RGS6: variants seen among roughly 807,000 people sequenced by gnomAD.
RGS6 encodes regulator of G protein signaling 6.
In RGS6, 30 loss-of-function variants were observed where a neutral mutation model predicts 78.5. The ratio of observed to expected loss-of-function variants is 0.38; its 90% CI spans 0.29 to 0.52. RGS6 has a LOEUF of 0.52. Among genes scored for constraint, RGS6 ranks in the 20% least tolerant of loss-of-function variants. The pLI is 0.85. For synonymous variants in RGS6, 206 were observed against 206.0 expected, an observed-to-expected ratio of 1.00 and a Z score of 0.00; for missense variants, 495 against 609.7, an observed-to-expected ratio of 0.81 and a Z score of 1.98.
chr14:72,464,111 T>C (rs1413001544), intron 6 of RGS6, among the ~76,000 whole-genome samples: 3 of 152,236 alleles, frequency 2.0e-5, no homozygotes, highest in South Asian at 4.1e-4. Context: ...GCATCAAGAA[T>C]GTAAAGACAT....
intron 2 of RGS6, among the ~76,000 whole-genome samples, chr14:72,182,474 A>G (rs2097187252): frequency 6.6e-6 from 1 of 151,016 alleles, no homozygotes; most frequent in South Asian, 2.1e-4. Context: ...TATATTTTCT[A>G]TTAACTCCAA....
In RGS6 at chr14:72,527,383, G is replaced by A. The variant is rs571699687; in HGVS notation, c.1279-8803G>A. On this transcript the variant is annotated intron_variant, in intron 15 of 17. Transcript: ENST00000553525. The stretch of plus-strand genomic sequence containing the variant: ...AGCAGCACTTCAATGTGAGAAGAGC[G>A]TGAGCTTTGGGGTCACAGAGCTCTG... Among the ~76,000 whole-genome samples, 21 of 152,336 alleles carry A rather than the reference G, an allele frequency of 1.4e-4. No individual in the cohort carries two copies. In the East Asian group the frequency reaches 1.9e-3, roughly 14 times the overall value.
intron 2 of RGS6, among the ~76,000 whole-genome samples, chr14:72,063,222 G>C (rs1172443403): frequency 6.6e-6 from 1 of 152,214 alleles, no homozygotes; most frequent in East Asian, 1.9e-4. Context: ...AAGAGCTGAA[G>C]AGGAACCAGT....
rs1225364185 is a variant in RGS6 at position 71,942,374 on chromosome 14, TATTA to T, written c.-21+9438_-21+9441del. On this transcript the variant is annotated intron_variant, in intron 1 of 17. Transcript: ENST00000553525. The stretch of plus-strand genomic sequence containing the variant: ...ATATTTCAAAAAATGGAAGTTTCAC[TATTA>T]ATTACCCTAATTACCAAGGCAGCAG... 5.3e-5 allele frequency among the ~76,000 whole-genome samples: 8 copies of T among 152,208 alleles called. No individual in the cohort carries two copies. The East Asian group carries it at 1.3e-3, about 26-fold the overall frequency.
intron 16 of RGS6, chr14:72,537,532 A>C (rs1488116566): frequency 1.4e-6 from 1 of 702,318 alleles, no homozygotes; most frequent in Non-Finnish European, 2.6e-6. Context: ...GGCTACTGTG[A>C]TGGGCAGTGT....
intron 16 of RGS6, among the ~76,000 whole-genome samples, chr14:72,539,192 C>T (rs761071898): frequency 6.6e-6 from 1 of 152,186 alleles, no homozygotes; most frequent in Non-Finnish European, 1.5e-5. Context: ...GAGGCTAGGC[C>T]TGGAAAGACA....
At chr14:72,448,759 ATTGTTTTT>A (rs1258142356) in intron 3 of RGS6, among the ~76,000 whole-genome samples, 1 of 152,146 alleles carries the variant, frequency 6.6e-6, no homozygotes, top group Non-Finnish European at 1.5e-5. Flanking sequence ...CGGTTTTCTA[ATTGTTTTT>A]TCTTTATACT....
At position 72,317,933 on chromosome 14, in the gene RGS6, C is replaced by T. The variant is rs1397078108; in HGVS notation, c.85-34162C>T. ...CAAGGAAGCCAGTCCAAGTCCCAAA[C>T]GATTTTATTTGACAAAAGACAAAAA... is the stretch of plus-strand genomic sequence containing the variant. On this transcript the variant is annotated intron_variant, in intron 2 of 17. Transcript: ENST00000553525. Among the ~76,000 whole-genome samples the T allele has an allele frequency of 3.9e-5, 6 of 152,170 alleles. No homozygotes were observed. In the South Asian group the frequency reaches 8.3e-4, roughly 21 times the overall value.
In RGS6 at chr14:72,294,112, G is replaced by C. The variant is rs144373285; in HGVS notation, c.85-57983G>C. Among the ~76,000 whole-genome samples the C allele has an allele frequency of 1.1e-3, 160 of 152,314 alleles. No homozygotes were observed. The East Asian group carries it at 0.022, about 21-fold the overall frequency. On this transcript the variant is annotated intron_variant, in intron 2 of 17. Transcript: ENST00000553525. ...CACAAGAGGTCCTTTTTGTAATTCA[G>C]ACAGAGGTACCATTTGTTCACAGGC...
At chr14:72,383,836 T>A (rs1053014385) in intron 3 of RGS6, among the ~76,000 whole-genome samples, 1 of 152,120 alleles carries the variant, frequency 6.6e-6, no homozygotes, top group Non-Finnish European at 1.5e-5. Context: ...AACGTAATAA[T>A]AAAACTGAAC....
intron 3 of RGS6, among the ~76,000 whole-genome samples, chr14:72,447,135 A>G (rs1479882413): frequency 1.3e-5 from 2 of 152,132 alleles, no homozygotes; most frequent in Non-Finnish European, 2.9e-5. Flanking sequence ...CTGGGAAGGG[A>G]AAGGCAGTCC....
intron 2 of RGS6, among the ~76,000 whole-genome samples, chr14:72,143,095 C>G (rs903478001): frequency 6.6e-6 from 1 of 152,076 alleles, no homozygotes; most frequent in Non-Finnish European, 1.5e-5. Context: ...TGGCTGGGCT[C>G]CATGGCTCAC....
At chr14:72,478,472 G>C (rs912211267) in intron 12 of RGS6, 143 bp downstream of exon 12, 20 of 639,238 alleles carry the variant, frequency 3.1e-5, no homozygotes, top group African/African-American at 2.9e-4. Flanking sequence ...AAACCCACAG[G>C]CTCCATGTGA....
chr14:72,084,723 A>G (rs1301631649), intron 2 of RGS6, among the ~76,000 whole-genome samples: 3 of 150,778 alleles, frequency 2.0e-5, no homozygotes, highest in African/African-American at 7.3e-5. Context: ...TGTCTGGTCA[A>G]AGCTCATTCA....
chr14:71,873,261 G>C, the RGS6 span, among the ~76,000 whole-genome samples: 43 of 152,310 alleles, frequency 2.8e-4, no homozygotes, highest in Middle Eastern at 6.8e-3. Context: ...CCCACAAACA[G>C]TGTAAAAGCA....
intron 3 of RGS6, among the ~76,000 whole-genome samples, chr14:72,431,838 C>G (rs1379853027): frequency 1.3e-5 from 2 of 152,096 alleles, no homozygotes; most frequent in Admixed American, 6.5e-5. Flanking sequence ...CGCCTTTTCT[C>G]CTCTTATTCC....
At position 72,270,372 on chromosome 14, in the gene RGS6, A is replaced by G. The variant is rs545523383; in HGVS notation, c.85-81723A>G. On this transcript the variant is annotated intron_variant, in intron 2 of 17. Transcript: ENST00000553525. ...AAGAGAAAGAAAGAGGAAATAAAAC[A>G]GCATAATCCCAGGAACTGCCAATAG... 1.7e-4 allele frequency among the ~76,000 whole-genome samples: 26 copies of G among 152,356 alleles called. No homozygotes were observed. In the South Asian group the frequency reaches 5.2e-3, roughly 30 times the overall value.
chr14:72,137,091 T>A (rs1054618174), intron 2 of RGS6, among the ~76,000 whole-genome samples: 1 of 152,150 alleles, frequency 6.6e-6, no homozygotes, highest in African/African-American at 2.4e-5. Context: ...CTCATGGACA[T>A]TGGTGAGAAA....
intron 2 of RGS6, among the ~76,000 whole-genome samples, chr14:72,060,114 C>T (rs1042551155): frequency 1.3e-5 from 2 of 152,108 alleles, no homozygotes; most frequent in Non-Finnish European, 2.9e-5. Flanking sequence ...GAGGAGATGT[C>T]GGGCCAGGGA....
Sources: gnomAD v4.1 joint callset for allele counts (sites outside exome capture counted in the v4.1 genomes callset) on GRCh38, gnomAD v4.1.1 for gene constraint, MANE v1.5 for transcripts, NCBI Gene and HGNC (gene_info 2026-07-23, HGNC 2026-07-21) for gene names.